The following TRAPPC9 variants were observed in gnomAD, a reference collection of about 807,000 sequenced individuals.
TRAPPC9 encodes IKK2 binding protein.
A neutral mutation model predicts 124.0 loss-of-function variants in TRAPPC9; 83 were observed. That is an observed-to-expected ratio of 0.67 (90% CI 0.56 to 0.80). The LOEUF (loss-of-function observed/expected upper bound fraction) is 0.80. TRAPPC9 is among the 30% of genes least tolerant of loss of function. The pLI, the probability that TRAPPC9 is intolerant of heterozygous loss-of-function variation, is 0.00. For synonymous variants in TRAPPC9, 638 were observed against 617.5 expected, an observed-to-expected ratio of 1.03 and a Z score of -0.49; for missense variants, 1,302 against 1,508.3, an observed-to-expected ratio of 0.86 and a Z score of 2.27.
At chr8:140,322,761 AG>A (rs2066629328) in intron 9 of TRAPPC9, among the ~76,000 whole-genome samples, 2 of 152,204 alleles carry the variant, frequency 1.3e-5, no homozygotes, top group South Asian at 4.1e-4. Flanking sequence ...GCTTGAGCCC[AG>A]GAGTTCAAGG....
In TRAPPC9 at chr8:140,375,046, T is replaced by C. The variant is rs191394141; in HGVS notation, c.1135-3866A>G. On this transcript the variant is annotated intron_variant, in intron 7 of 22. Coordinates refer to ENST00000438773, the MANE Select transcript of TRAPPC9 (RefSeq NM_001160372.4). ...CTGCTTTTGGGCACTAGGCAGACAA[T>C]TGACTGAGAAGCCATGAGCCCAGAG... Among the ~76,000 whole-genome samples, 20 of 152,230 alleles carry C rather than the reference T, an allele frequency of 1.3e-4. No individual in the cohort carries two copies. In the East Asian group the frequency reaches 3.5e-3, roughly 26 times the overall value.
rs112472089 is a variant in TRAPPC9 at position 139,984,616 on chromosome 8, G to A, written c.2810+4110C>T. 1.3e-3 allele frequency among the ~76,000 whole-genome samples: 203 copies of A among 152,242 alleles called. No homozygotes were observed. Among genetic ancestry groups the A allele is most frequent in the African/African-American group, 4.6e-3 (193 of 41,538 alleles). ...TCTGTAAGGTGCTGTCCGGCGTTGC[G>A]AAGTAAGGTAGAGCCATTTCCACTT... On this transcript the variant is annotated intron_variant, in intron 19 of 22. Coordinates refer to ENST00000438773, the MANE Select transcript of TRAPPC9 (RefSeq NM_001160372.4). The surrounding 1 kb of genome is among the most constrained non-coding windows in gnomAD (Gnocchi z 4.3).
chr8:139,769,862 T>A (rs1820833436), intron 21 of TRAPPC9, among the ~76,000 whole-genome samples: 1 of 152,230 alleles, frequency 6.6e-6, no homozygotes, highest in Non-Finnish European at 1.5e-5. Flanking sequence ...ATAAAGGAAG[T>A]GGTCATTTAC....
At chr8:140,055,250 C>T (rs745901676) in intron 17 of TRAPPC9, among the ~76,000 whole-genome samples, 1 of 152,092 alleles carries the variant, frequency 6.6e-6, no homozygotes, top group Non-Finnish European at 1.5e-5. Context: ...ACCACATTAA[C>T]AAAATAAAGG....
At chr8:140,082,378 T>A (rs527401888) in intron 17 of TRAPPC9, among the ~76,000 whole-genome samples, 9 of 152,206 alleles carry the variant, frequency 5.9e-5, no homozygotes, top group Admixed American at 5.2e-4. Context: ...GACACAAATA[T>A]AACTCCATCC....
At chr8:139,971,001 T>A (rs1836026214) in intron 19 of TRAPPC9, among the ~76,000 whole-genome samples, 1 of 148,400 alleles carries the variant, frequency 6.7e-6, no homozygotes, top group South Asian at 2.2e-4. Context: ...TCCTTCTCCA[T>A]ACCCCACACC....
rs1327063121 is a variant in TRAPPC9 at position 139,962,182 on chromosome 8, C to T, written c.2810+26544G>A. On this transcript the variant is annotated intron_variant, in intron 19 of 22. Transcript: ENST00000438773. ...TTCATCTTGTTCACCCTTCATATGT[C>T]TTTGTACCTCAGTCTTCCTGGATGC... Among the ~76,000 whole-genome samples, 6 of 124,520 alleles carry T rather than the reference C, an allele frequency of 4.8e-5. 2 individuals are homozygous for T. Among genetic ancestry groups the T allele is most frequent in the Non-Finnish European group, 1.1e-4 (6 of 52,274 alleles). The allele number at this position is 124,520 out of a possible 152,430, so 81.7% of individuals were successfully genotyped here. A position where few individuals can be genotyped will look rare whatever the true frequency, so the allele number is the denominator to read the frequency against.
At chr8:140,382,580 G>C (rs2068640551) in intron 7 of TRAPPC9, among the ~76,000 whole-genome samples, 1 of 152,226 alleles carries the variant, frequency 6.6e-6, no homozygotes, top group Admixed American at 6.5e-5. Flanking sequence ...AGCAGTCTGA[G>C]ATCAAACTGC....
intron 11 of TRAPPC9, among the ~76,000 whole-genome samples, chr8:140,292,897 G>A (rs1286278859): frequency 2.1e-5 from 3 of 141,042 alleles, no homozygotes; most frequent in African/African-American, 8.3e-5. Context: ...CTTCTGCACA[G>A]CAAAAGAAAC....
At chr8:140,393,031 A>ATTTT (rs869235393) in intron 7 of TRAPPC9, among the ~76,000 whole-genome samples, 2,523 of 141,796 alleles carry the variant, frequency 0.018, 69 homozygotes, top group African/African-American at 0.051. Flanking sequence ...TTCCCATTTT[A>ATTTT]TTTTTATTTT....
chr8:139,738,485 G>C (rs1818346462), intron 21 of TRAPPC9, among the ~76,000 whole-genome samples: 1 of 152,198 alleles, frequency 6.6e-6, no homozygotes, highest in Non-Finnish European at 1.5e-5. Flanking sequence ...GGCGTCAGGA[G>C]AGTCCTTACA....
rs1161813946 is a variant in TRAPPC9, at chr8:140,063,369, C to T, written c.2557-39290G>A. On this transcript the variant is annotated intron_variant, in intron 17 of 22. Coordinates refer to ENST00000438773, the MANE Select transcript of TRAPPC9 (RefSeq NM_001160372.4). This position sits in a 1 kb window ranked among gnomAD's most constrained non-coding sequence, Gnocchi z 4.3. ...GCAGTCAATTCTCACGTACCTTTCACGAGCCAGGTAACACGGTACTCACTT... is the reference window on the plus strand; with the variant it reads ...GCAGTCAATTCTCACGTACCTTTCATGAGCCAGGTAACACGGTACTCACTT... Among the ~76,000 whole-genome samples the T allele has an allele frequency of 1.3e-5, 2 of 152,280 alleles. No individual in the cohort carries two copies. The highest frequency in any genetic ancestry group is 6.5e-5 in the Admixed American group (1 of 15,302).
intron 17 of TRAPPC9, among the ~76,000 whole-genome samples, chr8:140,139,025 C>T (rs1211046197): frequency 6.6e-6 from 1 of 152,108 alleles, no homozygotes; most frequent in Non-Finnish European, 1.5e-5. Flanking sequence ...AGGCCACGCA[C>T]GATACCTGGA....
At chr8:140,034,304 T>C (rs1043641936) in intron 17 of TRAPPC9, among the ~76,000 whole-genome samples, 1 of 152,230 alleles carries the variant, frequency 6.6e-6, no homozygotes, top group African/African-American at 2.4e-5. Context: ...ACTTTTTCCA[T>C]ACTTCATAAC....
intron 3 of TRAPPC9, among the ~76,000 whole-genome samples, chr8:140,438,334 C>T (rs143440917): frequency 1.3e-5 from 2 of 152,318 alleles, no homozygotes; most frequent in African/African-American, 2.4e-5. Flanking sequence ...AGTGGTATCA[C>T]AATTTCACTC....
chr8:139,910,706 C>T (rs906974607), intron 19 of TRAPPC9, among the ~76,000 whole-genome samples: 1 of 152,202 alleles, frequency 6.6e-6, no homozygotes, highest in South Asian at 2.1e-4. Flanking sequence ...TGGGAACTGC[C>T]TGTTTATCCT....
intron 16 of TRAPPC9, among the ~76,000 whole-genome samples, chr8:140,230,863 C>T (rs1563865671): frequency 2.0e-5 from 3 of 152,138 alleles, no homozygotes; most frequent in South Asian, 2.1e-4. Flanking sequence ...CACTGGGGAT[C>T]GGTCCTGGAG....
At chr8:140,116,891 G>A (rs868308660) in intron 17 of TRAPPC9, among the ~76,000 whole-genome samples, 1,139 of 89,640 alleles carry the variant, frequency 0.013, 28 homozygotes, top group African/African-American at 0.022. Flanking sequence ...GGAGTTCAGT[G>A]AGTAGGCGGA....
intron 17 of TRAPPC9, among the ~76,000 whole-genome samples, chr8:140,210,940 G>A (rs759710597): frequency 1.3e-5 from 2 of 152,186 alleles, no homozygotes; most frequent in Non-Finnish European, 2.9e-5. Flanking sequence ...GCCCCGAAGG[G>A]CTCGTGGAAA....
Sources: allele counts gnomAD v4.1 joint callset (sites outside exome capture counted in the v4.1 genomes callset), GRCh38; gene constraint gnomAD v4.1.1; non-coding constraint Gnocchi (gnomAD v3.1); transcripts MANE v1.5; gene names NCBI Gene and HGNC (gene_info 2026-07-23, HGNC 2026-07-21).